The following MGAT4C variants were observed in gnomAD, a reference collection of about 807,000 sequenced individuals.
MGAT4C encodes the protein MGAT4 family member C, also known as alpha-1,3-mannosyl-glycoprotein 4-beta-N-acetylglucosaminyltransferase C.
MGAT4C carries 19 observed loss-of-function variants against 40.1 expected under a neutral mutation model. That is an observed-to-expected ratio of 0.47 (90% CI 0.33 to 0.70). MGAT4C has a LOEUF of 0.70. Among genes scored for constraint, MGAT4C ranks in the 30% least tolerant of loss-of-function variants. The probability of loss-of-function intolerance (pLI) is 0.02; values close to 1 mark genes in which losing one functional copy is unlikely to be tolerated. For synonymous variants in MGAT4C, 181 were observed against 187.1 expected (o/e 0.97, Z 0.27); for missense variants, 491 against 563.2 (o/e 0.87, Z 1.30).
chr12:86,291,236 G>T lies in MGAT4C; in HGVS notation c.-57+42829C>A, dbSNP rs76590808. Among the ~76,000 whole-genome samples the T allele has an allele frequency of 7.2e-5, 11 of 152,272 alleles. No individual in the cohort carries two copies. The East Asian group carries it at 2.1e-3, about 29-fold the overall frequency. On this transcript the variant is annotated intron_variant, in intron 4 of 7. Coordinates refer to the MGAT4C transcript ENST00000548651. ...CAAATAGTTTGCCAAGTTCTTAAAA[G>T]ATTTATATTGCCAAATAGCCACAAG...
chr12:86,303,686 G>T (rs1953868519), intron 4 of MGAT4C, among the ~76,000 whole-genome samples: 1 of 149,860 alleles, frequency 6.7e-6, no homozygotes, highest in Non-Finnish European at 1.5e-5. Flanking sequence ...AGTAATGAAG[G>T]CTATTATATT....
chr12:86,234,527 C>T lies in MGAT4C; in HGVS notation c.-57+21712G>A, dbSNP rs917919294. 3.9e-5 allele frequency among the ~76,000 whole-genome samples: 6 copies of T among 152,162 alleles called. No individual in the cohort carries two copies. The East Asian group carries it at 1.2e-3, about 29-fold the overall frequency. On this transcript the variant is annotated intron_variant, in intron 1 of 4. Transcript: ENST00000611864. ...TATCATTCTAAATGCAAAATAGGTACCAATCTGTGTCTGGTAAACAGTGTA... is the reference window on the plus strand; with the variant it reads ...TATCATTCTAAATGCAAAATAGGTATCAATCTGTGTCTGGTAAACAGTGTA...
intron 2 of MGAT4C, among the ~76,000 whole-genome samples, chr12:86,512,410 T>C (rs1958603508): frequency 1.3e-5 from 2 of 152,142 alleles, no homozygotes; most frequent in South Asian, 4.1e-4. Flanking sequence ...CTTCTGTATA[T>C]TTATTCAAAA....
At chr12:86,750,212 C>T (rs2136140484) in intron 1 of MGAT4C, among the ~76,000 whole-genome samples, 1 of 151,868 alleles carries the variant, frequency 6.6e-6, no homozygotes. Context: ...GTATCATAGG[C>T]AGGAACATAT....
chr12:86,254,368 T>A (rs994954273), intron 1 of MGAT4C, among the ~76,000 whole-genome samples: 1 of 152,008 alleles, frequency 6.6e-6, no homozygotes, highest in Non-Finnish European at 1.5e-5. Context: ...AGTGCATTTG[T>A]GACTAGCAAG....
intron 3 of MGAT4C, among the ~76,000 whole-genome samples, chr12:86,382,679 C>T (rs1955962702): frequency 6.6e-6 from 1 of 152,198 alleles, no homozygotes; most frequent in African/African-American, 2.4e-5. Context: ...GGTCCCCGTG[C>T]TGTGTGCAGT....
chr12:86,037,871 T>C (rs1305012952), intron 2 of MGAT4C, among the ~76,000 whole-genome samples: 1 of 149,576 alleles, frequency 6.7e-6, no homozygotes, highest in Admixed American at 6.7e-5. Context: ...TGTTGATCTG[T>C]CTAATATTGT....
At chr12:86,032,743 C>T (rs1222689237) in intron 2 of MGAT4C, among the ~76,000 whole-genome samples, 6 of 149,416 alleles carry the variant, frequency 4.0e-5, no homozygotes, top group African/African-American at 1.5e-4. Context: ...TAGTTTCTTT[C>T]ACTGCGCAGA....
chr12:86,685,373 C>T (rs1224359541), intron 2 of MGAT4C, among the ~76,000 whole-genome samples: 1 of 152,130 alleles, frequency 6.6e-6, no homozygotes, highest in African/African-American at 2.4e-5. Flanking sequence ...TCTGAGGCCT[C>T]CGTTCTGTTC....
At chr12:86,408,712 G>A (rs1956539248) in intron 3 of MGAT4C, among the ~76,000 whole-genome samples, 3 of 151,476 alleles carry the variant, frequency 2.0e-5, no homozygotes, top group Non-Finnish European at 4.4e-5. Flanking sequence ...TTGTGACTCA[G>A]AAAAACAAGC....
At chr12:86,407,001 T>A (rs1310719306) in intron 3 of MGAT4C, among the ~76,000 whole-genome samples, 2 of 152,098 alleles carry the variant, frequency 1.3e-5, no homozygotes, top group Admixed American at 1.3e-4. Flanking sequence ...TAGTAGGTTG[T>A]CACCTATACT....
rs771621012 is a variant in MGAT4C, at chr12:86,028,215, A to C, written c.-7+21459T>G. ...GTTCCAAGATTCCATCTGCTGATGG[A>C]AAAAAGTTCAAAATCTTTTTCATTA... On this transcript the variant is annotated intron_variant, in intron 2 of 4. Transcript: ENST00000611864. The C allele has an allele frequency of 1.6e-5, 20 of 1,266,498 alleles. No homozygotes were observed. The South Asian group carries it at 2.5e-4, about 16-fold the overall frequency. The allele number at this position is 1,266,498 out of a possible 1,614,324, so 78.5% of individuals were successfully genotyped here.
At chr12:86,121,003 G>T (rs930484764) in intron 1 of MGAT4C, among the ~76,000 whole-genome samples, 2 of 152,174 alleles carry the variant, frequency 1.3e-5, no homozygotes, top group Non-Finnish European at 2.9e-5. Flanking sequence ...TTGAAAAGTA[G>T]ATTAGATGAA....
chr12:86,516,052 G>C (rs1384447380), intron 2 of MGAT4C, among the ~76,000 whole-genome samples: 1 of 151,644 alleles, frequency 6.6e-6, no homozygotes, highest in Non-Finnish European at 1.5e-5. Context: ...CCCATTTAAA[G>C]CAATTCTTAT....
chr12:86,623,071 G>A (rs2136491736), intron 2 of MGAT4C, among the ~76,000 whole-genome samples: 1 of 152,184 alleles, frequency 6.6e-6, no homozygotes, highest in Middle Eastern at 3.4e-3. Context: ...AGAAACAAAA[G>A]TTATGAAGCA....
At chr12:86,615,561 A>C (rs1334439592) in intron 2 of MGAT4C, among the ~76,000 whole-genome samples, 1 of 152,094 alleles carries the variant, frequency 6.6e-6, no homozygotes, top group Admixed American at 6.6e-5. Context: ...GATATGCTTG[A>C]GTGTGGGAGG....
intron 1 of MGAT4C, among the ~76,000 whole-genome samples, chr12:86,229,264 T>C (rs981611191): frequency 6.6e-6 from 1 of 151,934 alleles, no homozygotes; most frequent in Admixed American, 6.6e-5. Context: ...AAACATTGAA[T>C]TGCAAGAATA....
chr12:86,776,698 G>C (rs967218941), intron 1 of MGAT4C, among the ~76,000 whole-genome samples: 2 of 151,760 alleles, frequency 1.3e-5, no homozygotes, highest in Non-Finnish European at 2.9e-5. Flanking sequence ...TATAAAATAT[G>C]CATAATGTTT....
At chr12:86,034,828 T>C (rs1431007229) in intron 2 of MGAT4C, among the ~76,000 whole-genome samples, 1 of 149,910 alleles carries the variant, frequency 6.7e-6, no homozygotes, top group African/African-American at 2.4e-5. Flanking sequence ...GAACATGCAG[T>C]GTATGGTTTT....
Sources: allele counts gnomAD v4.1 joint callset (sites outside exome capture counted in the v4.1 genomes callset), GRCh38; gene constraint gnomAD v4.1.1; transcripts MANE v1.5; gene names NCBI Gene and HGNC (gene_info 2026-07-23, HGNC 2026-07-21).